The following PALD1 variants were observed in gnomAD, a reference collection of about 807,000 sequenced individuals.
PALD1 encodes paladin.
A neutral mutation model predicts 96.0 loss-of-function variants in PALD1; 57 were observed. The observed-to-expected ratio is 0.59, with a 90% CI of 0.48 to 0.74. The LOEUF (loss-of-function observed/expected upper bound fraction) is 0.74, where lower values mean the gene tolerates loss of function less well. Among genes scored for constraint, PALD1 ranks in the 30% least tolerant of loss-of-function variants. The pLI is 0.00. For missense variants in PALD1, 1,063 were observed against 1,143.7 expected (o/e 0.93, Z 1.02); for synonymous variants, 464 against 473.6 (o/e 0.98, Z 0.26).
intron 17 of PALD1, among the ~76,000 whole-genome samples, chr10:70,545,304 C>T (rs1847339187): frequency 6.6e-6 from 1 of 152,020 alleles, no homozygotes; most frequent in African/African-American, 2.4e-5. Flanking sequence ...AGATCAAAGC[C>T]CGGGGATTAT....
intron 17 of PALD1, among the ~76,000 whole-genome samples, chr10:70,543,957 G>A (rs967530041): frequency 6.6e-6 from 1 of 152,176 alleles, no homozygotes; most frequent in African/African-American, 2.4e-5. Context: ...GTAGACCTCA[G>A]AGCCTGTGTT....
In PALD1 at chr10:70,537,795, C is replaced by T; in HGVS notation, c.1228-16C>T. On this transcript the variant is annotated splice_polypyrimidine_tract_variant and intron_variant, in intron 10 of 19. Coordinates refer to ENST00000263563, the MANE Select transcript of PALD1 (RefSeq NM_014431.3). ...GCCTGAGGAGTCTGTCCTTAACACC[C>T]TGTCCTCTCTCTCAGGGAAGCGGCA... The T allele has an allele frequency of 1.3e-6, 2 of 1,588,138 alleles. No individual in the cohort carries two copies. Among genetic ancestry groups the T allele is most frequent in the South Asian group, 1.1e-5 (1 of 90,320 alleles).
chr10:70,556,779 A>C lies in PALD1; in HGVS notation c.2263-7585A>C, dbSNP rs530143581. 1.5e-4 allele frequency among the ~76,000 whole-genome samples: 23 copies of C among 152,124 alleles called. No individual in the cohort carries two copies. In the South Asian group the frequency reaches 4.8e-3, roughly 32 times the overall value. On this transcript the variant is annotated intron_variant, in intron 18 of 19. Transcript: ENST00000263563. Reference sequence around the variant, plus strand: ...TAGAATTGTTGATGGGCTTGAGGGGATTAATCTCAACTCCAGCACCACCGC... The same window carrying C: ...TAGAATTGTTGATGGGCTTGAGGGGCTTAATCTCAACTCCAGCACCACCGC...
the PALD1 span, among the ~76,000 whole-genome samples, chr10:70,463,458 A>G: frequency 6.6e-6 from 1 of 152,010 alleles, no homozygotes; most frequent in Non-Finnish European, 1.5e-5. Flanking sequence ...CTCACCACCT[A>G]GAGGAGAAAA....
At chr10:70,520,525 C>T (rs1461332608) in intron 1 of PALD1, among the ~76,000 whole-genome samples, 4 of 152,170 alleles carry the variant, frequency 2.6e-5, no homozygotes, top group Non-Finnish European at 5.9e-5. Context: ...ACAAAAGGCT[C>T]ACCACTCTGG....
At chr10:70,472,519 C>T in the PALD1 span, among the ~76,000 whole-genome samples, 3 of 152,162 alleles carry the variant, frequency 2.0e-5, no homozygotes, top group Non-Finnish European at 4.4e-5. Flanking sequence ...CCTCAGCCTC[C>T]CAAAGTGCTG....
intron 17 of PALD1, 147 bp from the exon 18 acceptor site, chr10:70,547,159 T>C (rs2132413152): frequency 1.4e-6 from 1 of 712,758 alleles, no homozygotes; most frequent in Middle Eastern, 4.0e-4. Flanking sequence ...CCTCCCTCAG[T>C]CTGAGAACTG....
chr10:70,541,042 T>C, intron 15 of PALD1, 60 bp from the exon 16 acceptor site: 2 of 1,520,070 alleles, frequency 1.3e-6, no homozygotes, highest in East Asian at 2.3e-5. Context: ...ATGGGGACCC[T>C]GTTGGGGTTT....
rs573524710 is a variant in PALD1, at chr10:70,513,957, G to C, written c.-29-11966G>C. Among the ~76,000 whole-genome samples, 3 of 152,298 alleles carry C rather than the reference G, an allele frequency of 2.0e-5. No individual in the cohort carries two copies. The East Asian group carries it at 5.8e-4, about 29-fold the overall frequency. On this transcript the variant is annotated intron_variant, in intron 1 of 19. Coordinates refer to ENST00000263563, the MANE Select transcript of PALD1 (RefSeq NM_014431.3). ...GCAGGCTTTGTCATCCCGAGAACCCGCCTGCCAGGTGAGCTGAGAGGGAGG... is the reference window on the plus strand; with the variant it reads ...GCAGGCTTTGTCATCCCGAGAACCCCCCTGCCAGGTGAGCTGAGAGGGAGG...
chr10:70,555,738 C>A (rs1010587361), intron 18 of PALD1, among the ~76,000 whole-genome samples: 11 of 152,176 alleles, frequency 7.2e-5, no homozygotes, highest in South Asian at 2.1e-4. Flanking sequence ...GCAGTGGCTC[C>A]CGCCTGTAAT....
intron 1 of PALD1, among the ~76,000 whole-genome samples, chr10:70,488,069 A>G (rs1396701790): frequency 6.6e-6 from 1 of 151,814 alleles, no homozygotes; most frequent in Non-Finnish European, 1.5e-5. Context: ...TTCCTTTTTT[A>G]TTGGTGAGTA....
Position 70,547,408 on chromosome 10 carries a change from T to C in PALD1, c.2224T>C (p.Tyr742His). 1 of 1,612,784 alleles carries C rather than the reference T, an allele frequency of 6.2e-7. No homozygotes were observed. Among genetic ancestry groups the C allele is most frequent in the South Asian group, 1.1e-5 (1 of 91,052 alleles). Reference sequence around the variant, plus strand: ...CAGCGAGACCATGACGCCCATGCACTACCACCTGCGGGAGATCATCATCTG... The same window carrying C: ...CAGCGAGACCATGACGCCCATGCACCACCACCTGCGGGAGATCATCATCTG... ...TVSETMTPMH[Y>H]HLREIIICTY... The change falls in exon 18 of 20, where the codon TAC (tyrosine) becomes CAC (histidine). Residue 742 changes from tyrosine (Y) to histidine (H), a missense_variant. Tyr to His is a moderately conservative substitution (Grantham distance 83). Transcript: ENST00000263563.
intron 17 of PALD1, among the ~76,000 whole-genome samples, chr10:70,542,883 C>T (rs1847280629): frequency 6.6e-6 from 1 of 152,146 alleles, no homozygotes; most frequent in Non-Finnish European, 1.5e-5. Flanking sequence ...TTTACATTCC[C>T]ACCAGCAACA....
At chr10:70,486,634 G>A (rs1846020417) in intron 1 of PALD1, among the ~76,000 whole-genome samples, 1 of 152,116 alleles carries the variant, frequency 6.6e-6, no homozygotes, top group African/African-American at 2.4e-5. Flanking sequence ...GGTGGTGGGT[G>A]CCTGTAGTCC....
chr10:70,508,194 C>A (rs1403333971), intron 1 of PALD1, among the ~76,000 whole-genome samples: 1 of 152,188 alleles, frequency 6.6e-6, no homozygotes, highest in Non-Finnish European at 1.5e-5. Context: ...GACGGCCCAG[C>A]CTTGTTGTTT....
intron 1 of PALD1, among the ~76,000 whole-genome samples, chr10:70,507,744 T>TGTGC (rs1846419283): frequency 1.3e-5 from 1 of 75,294 alleles, no homozygotes; most frequent in Admixed American, 2.0e-4. Context: ...GTATGTTTTG[T>TGTGC]GTGTGCGTGT....
In PALD1 at chr10:70,541,246, C is replaced by G. The variant is rs73270899; in HGVS notation, c.2049+4C>G. On this transcript the variant is annotated splice_donor_region_variant and intron_variant, in intron 16 of 19. Transcript: ENST00000263563. ...CCTGGCCTTCTGGCACATCCAAGTA[C>G]GTGTGGCCTCTCAAGTGAGATTAGA... The G allele has an allele frequency of 6.2e-7, 1 of 1,600,378 alleles. No individual in the cohort carries two copies.
Position 70,532,617 on chromosome 10 carries a change from C to G in PALD1, c.634-4C>G, listed in dbSNP as rs1397353731. 6.2e-7 allele frequency: 1 copy of G among 1,613,720 alleles called. No individual in the cohort carries two copies. The highest frequency in any genetic ancestry group is 1.1e-5 in the South Asian group (1 of 90,994). The stretch of plus-strand genomic sequence containing the variant: ...GGCCCTCTGACCCCCACACCTCCCT[C>G]TAGATCCACGACTTTGCCCAGCTGA... On this transcript the variant is annotated splice_polypyrimidine_tract_variant and splice_region_variant and intron_variant, in intron 5 of 19. Transcript: ENST00000263563.
chr10:70,482,686 G>C (rs1436643007), intron 1 of PALD1, among the ~76,000 whole-genome samples: 2 of 152,078 alleles, frequency 1.3e-5, no homozygotes, highest in African/African-American at 4.8e-5. Context: ...GAAACTACCA[G>C]GGTCTGAATT....
Sources: allele counts gnomAD v4.1 joint callset (sites outside exome capture counted in the v4.1 genomes callset), GRCh38; gene constraint gnomAD v4.1.1; transcripts MANE v1.5; gene names NCBI Gene and HGNC (gene_info 2026-07-23, HGNC 2026-07-21).